Variants in LDAH observed in about 807,000 individuals in gnomAD.
LDAH encodes the protein lipid droplet-associated hydrolase.
Under a neutral mutation model 29.6 loss-of-function variants are expected in LDAH, and 26 were observed. The observed-to-expected ratio is 0.88, with a 90% CI of 0.64 to 1.22. LDAH has a LOEUF of 1.22. Ranked by LOEUF, LDAH falls within the 50% of genes most tolerant of loss-of-function variation. LDAH has a pLI of 0.00. For synonymous variants in LDAH, 117 were observed against 133.0 expected (o/e 0.88, Z 0.83); for missense variants, 344 against 387.3 (o/e 0.89, Z 0.94).
rs969934660 is a variant in LDAH at position 20,684,949 on chromosome 2, G to A, written c.*1954C>T. 1.3e-6 allele frequency: 2 copies of A among 1,548,878 alleles called. No homozygotes were observed. The highest frequency in any genetic ancestry group is 2.7e-5 in the African/African-American group (2 of 72,952). On this transcript the variant is annotated 3_prime_UTR_variant, in exon 7 of 7. Coordinates refer to ENST00000237822, the MANE Select transcript of LDAH (RefSeq NM_021925.4). ...CTATGAAAAAAGCAATGAGAAAGGT[G>A]GCTTTTCACTTTAAAAGAGAGACTT... is the stretch of plus-strand genomic sequence containing the variant.
intron 1 of LDAH, among the ~76,000 whole-genome samples, chr2:20,815,839 TG>T (rs1326842017): frequency 1.3e-5 from 2 of 152,126 alleles, no homozygotes; most frequent in Non-Finnish European, 2.9e-5. Flanking sequence ...GGAAGAACAC[TG>T]GAACGGGTAA....
At chr2:20,771,478 C>A (rs893361808) in intron 4 of LDAH, among the ~76,000 whole-genome samples, 1 of 152,190 alleles carries the variant, frequency 6.6e-6, no homozygotes, top group African/African-American at 2.4e-5. Context: ...CTGGCTTACA[C>A]AAACATATTT....
At chr2:20,775,030 A>G in intron 3 of LDAH, 51 bp from the exon 4 acceptor site, 1 of 1,460,708 alleles carries the variant, frequency 6.8e-7, no homozygotes, top group Non-Finnish European at 9.4e-7. Flanking sequence ...TAATCACTGA[A>G]AAAAGATCAA....
chr2:20,782,951 G>C, intron 3 of LDAH, among the ~76,000 whole-genome samples: 1 of 152,048 alleles, frequency 6.6e-6, no homozygotes, highest in Non-Finnish European at 1.5e-5. Flanking sequence ...AATACATGCA[G>C]TCAATGCTAT....
downstream of LDAH, among the ~76,000 whole-genome samples, chr2:20,682,541 A>C (rs112393965): frequency 8.8e-3 from 1,343 of 152,354 alleles, 19 homozygotes; most frequent in African/African-American, 0.03. Flanking sequence ...TGGAAAGTCC[A>C]AGATTGAGGG....
intron 5 of LDAH, among the ~76,000 whole-genome samples, chr2:20,715,775 T>TGTATAGTATTCCATGGTGTAGATGTGC (rs1553337890): frequency 2.6e-5 from 4 of 152,140 alleles, no homozygotes; most frequent in Non-Finnish European, 4.4e-5. Context: ...GAACTCCCAT[T>TGTATAGTATTCCATGGTGTAGATGTGC]CACAATTGCT....
intron 5 of LDAH, among the ~76,000 whole-genome samples, chr2:20,732,709 G>A (rs1408715884): frequency 2.6e-5 from 4 of 152,004 alleles, no homozygotes; most frequent in African/African-American, 9.7e-5. Flanking sequence ...CCTTTTGATG[G>A]GTGCAGGCTC....
rs189136873 is a variant in LDAH at position 20,792,520 on chromosome 2, G to A, written c.155-2122C>T. ...AATTTTTAAAAAACATCAGTAATCCGGTGTAGGATCTTCTGCCTTCCTTGT... is the reference window on the plus strand; with the variant it reads ...AATTTTTAAAAAACATCAGTAATCCAGTGTAGGATCTTCTGCCTTCCTTGT... On this transcript the variant is annotated intron_variant, in intron 2 of 6. Coordinates refer to ENST00000237822, the MANE Select transcript of LDAH (RefSeq NM_021925.4). Among the ~76,000 whole-genome samples the A allele has an allele frequency of 2.2e-4, 34 of 152,174 alleles. No individual in the cohort carries two copies. In the East Asian group the frequency reaches 6.0e-3, roughly 27 times the overall value.
chr2:20,713,789 A>T (rs1031555585), intron 5 of LDAH, among the ~76,000 whole-genome samples: 1 of 152,096 alleles, frequency 6.6e-6, no homozygotes, highest in Admixed American at 6.5e-5. Flanking sequence ...AGACAAGGCC[A>T]TTACGTAACG....
At chr2:20,814,664 G>A (rs1468695399) in intron 1 of LDAH, among the ~76,000 whole-genome samples, 1 of 152,080 alleles carries the variant, frequency 6.6e-6, no homozygotes, top group African/African-American at 2.4e-5. Context: ...GTTTCACCAT[G>A]TTGCCTAGGC....
At chr2:20,703,230 T>C (rs1202034611) in intron 5 of LDAH, among the ~76,000 whole-genome samples, 1 of 152,242 alleles carries the variant, frequency 6.6e-6, no homozygotes, top group Non-Finnish European at 1.5e-5. Context: ...ATCACAGAAA[T>C]GGTTGTAGTG....
intron 5 of LDAH, among the ~76,000 whole-genome samples, chr2:20,736,616 T>A (rs1666808118): frequency 6.6e-6 from 1 of 152,092 alleles, no homozygotes; most frequent in Non-Finnish European, 1.5e-5. Flanking sequence ...GCTCTAAAAA[T>A]GGAGAAGTTC....
chr2:20,773,861 G>A (rs576978138), intron 4 of LDAH, among the ~76,000 whole-genome samples: 121 of 152,202 alleles, frequency 7.9e-4, no homozygotes, highest in African/African-American at 2.9e-3. Flanking sequence ...CAGCCATGAA[G>A]CGATCACGTC....
chr2:20,739,739 G>C (rs1429268406), intron 5 of LDAH, among the ~76,000 whole-genome samples: 1 of 152,180 alleles, frequency 6.6e-6, no homozygotes, highest in Non-Finnish European at 1.5e-5. Flanking sequence ...TGCAGCTAGA[G>C]TGAAGAATCA....
chr2:20,801,425 C>G lies in LDAH; in HGVS notation c.39G>C (p.Glu13Asp). The G allele has an allele frequency of 1.2e-6, 2 of 1,614,158 alleles. No homozygotes were observed. The highest frequency in any genetic ancestry group is 1.7e-6 in the Non-Finnish European group (2 of 1,180,012). The stretch of plus-strand genomic sequence containing the variant: ...CGGCTCCACCACACAAAATGAATTC[C>G]TCATGCACAGGAATTTCTTCCTTGA... ...SELKEEIPVH[E>D]EFILCGGAET... Residue 13 changes from glutamate to aspartate, a missense_variant, in exon 2 of 7, where the codon GAG becomes GAC. By Grantham distance (45) the Glu-to-Asp change is conservative. Coordinates refer to ENST00000237822, the MANE Select transcript of LDAH (RefSeq NM_021925.4).
intron 1 of LDAH, among the ~76,000 whole-genome samples, chr2:20,822,745 G>C (rs928782933): frequency 1.3e-5 from 2 of 152,050 alleles, no homozygotes; most frequent in African/African-American, 4.8e-5. Flanking sequence ...ACTCCTCCGC[G>C]GGGGCACCAT....
chr2:20,749,311 C>A (rs1409777550), intron 4 of LDAH, among the ~76,000 whole-genome samples: 2 of 152,144 alleles, frequency 1.3e-5, no homozygotes, highest in Admixed American at 6.5e-5. Flanking sequence ...ACACTGAGTA[C>A]ACAAGCAAAG....
chr2:20,766,029 T>G (rs1274856743), intron 4 of LDAH, among the ~76,000 whole-genome samples: 1 of 152,156 alleles, frequency 6.6e-6, no homozygotes, highest in Admixed American at 6.5e-5. Flanking sequence ...GCTCTGTTCT[T>G]AGCTGCTGTG....
At chr2:20,786,555 G>GT (rs1057376956) in intron 3 of LDAH, among the ~76,000 whole-genome samples, 14 of 151,038 alleles carry the variant, frequency 9.3e-5, no homozygotes, top group East Asian at 5.8e-4. Context: ...TAATGTTCTT[G>GT]TTTTTTTTTC....
Sources: allele counts gnomAD v4.1 joint callset (sites outside exome capture counted in the v4.1 genomes callset), GRCh38; gene constraint gnomAD v4.1.1; transcripts MANE v1.5; gene names NCBI Gene and HGNC (gene_info 2026-07-23, HGNC 2026-07-21).